Variants in STPG2 observed in about 807,000 individuals in gnomAD.
STPG2 encodes the protein sperm-tail PG-rich repeat-containing protein 2.
Under a neutral mutation model 54.2 loss-of-function variants are expected in STPG2, and 56 were observed. The ratio of observed to expected loss-of-function variants is 1.03; its 90% confidence interval spans 0.83 to 1.29. The LOEUF (loss-of-function observed/expected upper bound fraction) is 1.29. Among genes scored for constraint, STPG2 ranks in the 50% most tolerant of loss-of-function variants. STPG2 has a pLI of 0.00. For synonymous variants in STPG2, 200 were observed against 181.8 expected (o/e 1.10, Z -0.81); for missense variants, 596 against 544.9 (o/e 1.09, Z -0.93).
At chr4:97,721,842 A>G (rs1724459039) in intron 9 of STPG2, among the ~76,000 whole-genome samples, 1 of 152,128 alleles carries the variant, frequency 6.6e-6, no homozygotes, top group Admixed American at 6.5e-5. Context: ...AGAGACTCAG[A>G]GTAAACATTT....
intron 7 of STPG2, among the ~76,000 whole-genome samples, chr4:97,970,478 C>A (rs1263660991): frequency 6.6e-6 from 1 of 152,136 alleles, no homozygotes; most frequent in Non-Finnish European, 1.5e-5. Context: ...ACCAATGGAA[C>A]AGAACAGAGC....
At chr4:97,855,276 G>A (rs1288226727) in intron 8 of STPG2, among the ~76,000 whole-genome samples, 2 of 152,134 alleles carry the variant, frequency 1.3e-5, no homozygotes, top group Admixed American at 6.5e-5. Context: ...TATATTCCCA[G>A]TAATGAGATT....
intron 10 of STPG2, among the ~76,000 whole-genome samples, chr4:97,661,382 A>T (rs1426371907): frequency 6.6e-6 from 1 of 152,138 alleles, no homozygotes; most frequent in Non-Finnish European, 1.5e-5. Flanking sequence ...GAACTGCATG[A>T]TTGTTTTAGG....
intron 4 of STPG2, among the ~76,000 whole-genome samples, chr4:97,500,515 G>C (rs1045361477): frequency 6.6e-6 from 1 of 152,010 alleles, no homozygotes. Context: ...CATATGGATA[G>C]CATTGAAAGC....
chr4:98,052,317 T>A (rs1578815244), intron 5 of STPG2, among the ~76,000 whole-genome samples: 1 of 152,254 alleles, frequency 6.6e-6, no homozygotes, highest in Non-Finnish European at 1.5e-5. Flanking sequence ...CCTGAACTTA[T>A]CAAGTCAAAG....
intron 10 of STPG2, among the ~76,000 whole-genome samples, chr4:97,677,799 G>T (rs1345347607): frequency 1.3e-5 from 2 of 152,088 alleles, no homozygotes; most frequent in Admixed American, 6.6e-5. Context: ...ACTTCATGGA[G>T]CCTCCATATG....
chr4:98,126,179 T>C (rs1483467616), intron 3 of STPG2, among the ~76,000 whole-genome samples: 2 of 152,216 alleles, frequency 1.3e-5, no homozygotes, highest in African/African-American at 4.8e-5. Flanking sequence ...CACTGAATGA[T>C]GCTGCTTGGT....
chr4:98,023,845 A>G (rs1029996253), intron 5 of STPG2, among the ~76,000 whole-genome samples: 1 of 152,200 alleles, frequency 6.6e-6, no homozygotes, highest in African/African-American at 2.4e-5. Flanking sequence ...TGTGCAGGAT[A>G]TAATCTCCTG....
rs143047055 is a variant in STPG2, at chr4:98,073,793, C to T, written c.612+32160G>A. 3.0e-3 allele frequency among the ~76,000 whole-genome samples: 457 copies of T among 152,124 alleles called. 2 individuals carry two copies. The highest frequency in any genetic ancestry group is 0.011 in the African/African-American group (440 of 41,516). On this transcript the variant is annotated intron_variant, in intron 5 of 10. Coordinates refer to ENST00000295268, the MANE Select transcript of STPG2 (RefSeq NM_174952.3). ...AAAATACAACACAAATTTGGCACTGCATATTTTAAAGCATTATTGCCTTGT... is the reference window on the plus strand; with the variant it reads ...AAAATACAACACAAATTTGGCACTGTATATTTTAAAGCATTATTGCCTTGT...
intron 8 of STPG2, among the ~76,000 whole-genome samples, chr4:97,915,103 T>A (rs1354284834): frequency 1.3e-5 from 2 of 152,174 alleles, no homozygotes; most frequent in Non-Finnish European, 2.9e-5. Flanking sequence ...CTTAATTTAA[T>A]CCCACAGTTT....
At chr4:97,697,585 T>C (rs1406801304) in intron 10 of STPG2, among the ~76,000 whole-genome samples, 1 of 152,188 alleles carries the variant, frequency 6.6e-6, no homozygotes, top group Non-Finnish European at 1.5e-5. Context: ...CCTTTGCTTT[T>C]ATTGTCTTGC....
intron 5 of STPG2, among the ~76,000 whole-genome samples, chr4:98,050,540 C>T (rs991751655): frequency 6.6e-6 from 1 of 152,112 alleles, no homozygotes; most frequent in Non-Finnish European, 1.5e-5. Flanking sequence ...TGACAGAGAG[C>T]TCATTACAGC....
chr4:97,476,388 A>T (rs988619179), intron 4 of STPG2, among the ~76,000 whole-genome samples: 3 of 152,114 alleles, frequency 2.0e-5, no homozygotes, highest in African/African-American at 4.8e-5. Context: ...AGCTTGTTCA[A>T]CTGACTTTGC....
intron 7 of STPG2, among the ~76,000 whole-genome samples, chr4:97,946,858 T>C (rs1218796503): frequency 6.6e-6 from 1 of 152,218 alleles, no homozygotes; most frequent in African/African-American, 2.4e-5. Context: ...TAGCTTTGTA[T>C]TGCTTTGGCT....
intron 4 of STPG2, among the ~76,000 whole-genome samples, chr4:97,446,759 T>G (rs1172374401): frequency 6.6e-6 from 1 of 152,200 alleles, no homozygotes; most frequent in Non-Finnish European, 1.5e-5. Flanking sequence ...TCCTTCGCCT[T>G]CCACCATGAT....
intron 10 of STPG2, among the ~76,000 whole-genome samples, chr4:97,582,269 G>T: frequency 6.6e-6 from 1 of 151,936 alleles, no homozygotes; most frequent in East Asian, 1.9e-4. Flanking sequence ...CAGTGTATTT[G>T]TCAAATACGC....
chr4:97,661,207 G>C (rs994097030), intron 10 of STPG2, among the ~76,000 whole-genome samples: 6 of 152,150 alleles, frequency 3.9e-5, no homozygotes, highest in African/African-American at 1.2e-4. Context: ...TTTATAACAA[G>C]AGAAAAAGTT....
chr4:98,011,909 G>T (rs145235991), intron 5 of STPG2, among the ~76,000 whole-genome samples: 1 of 152,096 alleles, frequency 6.6e-6, no homozygotes, highest in African/African-American at 2.4e-5. Context: ...TCTGTAGGTC[G>T]CCTGTTCACT....
chr4:98,027,374 TATTCCCAAGAGTC>T (rs1736457431), intron 5 of STPG2, among the ~76,000 whole-genome samples: 1 of 152,172 alleles, frequency 6.6e-6, no homozygotes, highest in Non-Finnish European at 1.5e-5. Flanking sequence ...CCCATCCTAA[TATTCCCAAGAGTC>T]TTAACTCATT....
Sources: allele counts gnomAD v4.1 joint callset (sites outside exome capture counted in the v4.1 genomes callset), GRCh38; gene constraint gnomAD v4.1.1; transcripts MANE v1.5; gene names NCBI Gene and HGNC (gene_info 2026-07-23, HGNC 2026-07-21).